TYW1B: variants seen among roughly 807,000 people sequenced by gnomAD.
TYW1B encodes tRNA-yW synthesizing protein 1 homolog B.
TYW1B carries 73 observed loss-of-function variants against 86.9 expected under a neutral mutation model. The ratio of observed to expected loss-of-function variants is 0.84; its 90% CI spans 0.70 to 1.02. The LOEUF (loss-of-function observed/expected upper bound fraction) is 1.02, where lower values mean the gene tolerates loss of function less well. TYW1B is among the 50% of genes least tolerant of loss of function. The pLI is 0.00. For synonymous variants in TYW1B, 248 were observed against 292.8 expected (o/e 0.85, Z 1.56); for missense variants, 637 against 827.4 (o/e 0.77, Z 2.82).
At chr7:72,813,077 T>C (rs1298901109) in intron 3 of TYW1B, among the ~76,000 whole-genome samples, 3 of 152,000 alleles carry the variant, frequency 2.0e-5, no homozygotes, top group African/African-American at 7.2e-5. Flanking sequence ...TGTGCCTCAG[T>C]GGCAAAACTG....
chr7:72,657,765 A>C (rs138553324), intron 11 of TYW1B, among the ~76,000 whole-genome samples: 7 of 152,324 alleles, frequency 4.6e-5, no homozygotes, highest in Middle Eastern at 3.4e-3. Context: ...AGGAGAAATA[A>C]AGTCTTTCCC....
chr7:72,659,001 A>G (rs1379978110), intron 11 of TYW1B, among the ~76,000 whole-genome samples: 1 of 152,168 alleles, frequency 6.6e-6, no homozygotes, highest in Non-Finnish European at 1.5e-5. Flanking sequence ...GATTACAGGC[A>G]TGAGCCACCA....
intron 11 of TYW1B, among the ~76,000 whole-genome samples, chr7:72,657,245 G>A (rs1356028402): frequency 6.6e-6 from 1 of 152,060 alleles, no homozygotes; most frequent in Admixed American, 6.5e-5. Context: ...AGATTAGAGT[G>A]GAAGAAAGAA....
At chr7:72,693,921 G>A (rs1355478822) in intron 11 of TYW1B, among the ~76,000 whole-genome samples, 1 of 152,028 alleles carries the variant, frequency 6.6e-6, no homozygotes, top group African/African-American at 2.4e-5. Context: ...AGGAAGATAA[G>A]TGTAGATTAT....
intron 13 of TYW1B, 42 bp downstream of exon 13, chr7:72,616,629 CA>C (rs782224918): frequency 6.2e-7 from 1 of 1,613,648 alleles, no homozygotes. Context: ...GAAAGAACAG[CA>C]GGGTCAGGGA....
chr7:72,619,044 TCAAA>T (rs1375317637), intron 12 of TYW1B, among the ~76,000 whole-genome samples: 10 of 152,088 alleles, frequency 6.6e-5, no homozygotes, highest in African/African-American at 2.4e-4. Context: ...GCAAGGATGA[TCAAA>T]CAGACAACTG....
intron 2 of TYW1B, among the ~76,000 whole-genome samples, chr7:72,816,338 T>C (rs1485223976): frequency 1.3e-5 from 2 of 151,916 alleles, no homozygotes; most frequent in African/African-American, 4.8e-5. Context: ...ATTGCACCAT[T>C]GCACTCCAGC....
At chr7:72,582,275 C>T (rs1272719070) in intron 13 of TYW1B, among the ~76,000 whole-genome samples, 2 of 151,926 alleles carry the variant, frequency 1.3e-5, no homozygotes, top group African/African-American at 2.4e-5. Context: ...CCAGACACAC[C>T]GTCTGAGGCA....
intron 11 of TYW1B, among the ~76,000 whole-genome samples, chr7:72,662,952 T>C (rs1554444681): frequency 6.6e-6 from 1 of 152,216 alleles, no homozygotes; most frequent in African/African-American, 2.4e-5. Context: ...GAAATTAGCT[T>C]CTGATCATTC....
At chr7:72,582,021 G>C (rs1404124974) in intron 13 of TYW1B, among the ~76,000 whole-genome samples, 2 of 151,994 alleles carry the variant, frequency 1.3e-5, no homozygotes, top group Non-Finnish European at 2.9e-5. Flanking sequence ...CACCTGCCTA[G>C]GCCTCCCAAA....
At chr7:72,810,424 G>C in intron 4 of TYW1B, 47 bp downstream of exon 4, 1 of 1,567,304 alleles carries the variant, frequency 6.4e-7, no homozygotes, top group Non-Finnish European at 8.7e-7. Context: ...GCGTGTGTGT[G>C]TGTGTTTATG....
intron 11 of TYW1B, among the ~76,000 whole-genome samples, chr7:72,659,040 A>G (rs1484662257): frequency 3.3e-5 from 5 of 152,214 alleles, no homozygotes; most frequent in Non-Finnish European, 5.9e-5. Flanking sequence ...AGATTTAAAA[A>G]GCATGCATTC....
chr7:72,580,632 C>T (rs1811131033), intron 13 of TYW1B, among the ~76,000 whole-genome samples: 3 of 152,116 alleles, frequency 2.0e-5, no homozygotes, highest in Admixed American at 1.3e-4. Context: ...CCTTGTTCTC[C>T]TTATGTTCTC....
At chr7:72,811,210 G>A (rs1334964661) in intron 3 of TYW1B, among the ~76,000 whole-genome samples, 1 of 149,662 alleles carries the variant, frequency 6.7e-6, no homozygotes, top group East Asian at 2.0e-4. Flanking sequence ...GGCAGAGCTT[G>A]TAGTGAGCCG....
intron 7 of TYW1B, among the ~76,000 whole-genome samples, chr7:72,756,763 A>G (rs1554466223): frequency 6.6e-6 from 1 of 152,202 alleles, no homozygotes; most frequent in African/African-American, 2.4e-5. Context: ...GCCCTTAGCC[A>G]GAATATATAA....
At chr7:72,662,358 T>A (rs533785322) in intron 11 of TYW1B, among the ~76,000 whole-genome samples, 1 of 152,082 alleles carries the variant, frequency 6.6e-6, no homozygotes, top group Non-Finnish European at 1.5e-5. Context: ...CCACATCTCG[T>A]GATGTGGTTC....
At chr7:72,753,388 A>G (rs1787533219) in intron 7 of TYW1B, among the ~76,000 whole-genome samples, 2 of 152,180 alleles carry the variant, frequency 1.3e-5, no homozygotes, top group African/African-American at 4.8e-5. Flanking sequence ...GAGTATCATT[A>G]CCATGTTTCA....
chr7:72,800,170 C>T (rs1204283358), intron 6 of TYW1B, among the ~76,000 whole-genome samples: 4 of 151,826 alleles, frequency 2.6e-5, no homozygotes, highest in Non-Finnish European at 5.9e-5. Flanking sequence ...ATTATTCTGA[C>T]ATATATACAA....
chr7:72,821,147 AT>A (rs1199059546), intron 2 of TYW1B, among the ~76,000 whole-genome samples: 29 of 152,210 alleles, frequency 1.9e-4, no homozygotes, highest in African/African-American at 6.0e-4. Flanking sequence ...TAATTTTTGT[AT>A]TTTTTAGTAC....
Sources: allele counts gnomAD v4.1 joint callset (sites outside exome capture counted in the v4.1 genomes callset), GRCh38; gene constraint gnomAD v4.1.1; transcripts MANE v1.5; gene names NCBI Gene and HGNC (gene_info 2026-07-23, HGNC 2026-07-21).